The following MGAT4C variants were observed in gnomAD, a reference collection of about 807,000 sequenced individuals.
MGAT4C encodes alpha-1,3-mannosyl-glycoprotein 4-beta-N-acetylglucosaminyltransferase C.
MGAT4C carries 19 observed loss-of-function variants against 40.1 expected under a neutral mutation model. The observed-to-expected ratio is 0.47, with a 90% confidence interval of 0.33 to 0.70. The LOEUF (loss-of-function observed/expected upper bound fraction) is 0.70, where lower values mean the gene tolerates loss of function less well. Ranked by LOEUF, MGAT4C falls within the 30% of genes least tolerant of loss-of-function variation. MGAT4C has a pLI of 0.02. For missense variants in MGAT4C, 491 were observed against 563.2 expected (o/e 0.87, Z 1.30); for synonymous variants, 181 against 187.1 (o/e 0.97, Z 0.27).
At chr12:86,287,158 C>T (rs555570528) in intron 4 of MGAT4C, among the ~76,000 whole-genome samples, 1 of 152,102 alleles carries the variant, frequency 6.6e-6, no homozygotes, top group South Asian at 2.1e-4. Flanking sequence ...GAGAAATCAC[C>T]AACCTCTTTC....
At chr12:86,347,222 A>T (rs1955056003) in intron 3 of MGAT4C, among the ~76,000 whole-genome samples, 1 of 152,146 alleles carries the variant, frequency 6.6e-6, no homozygotes, top group Non-Finnish European at 1.5e-5. Flanking sequence ...ATCCCTCTAG[A>T]CAAACCTGAC....
At chr12:86,315,947 G>A (rs2136155552) in intron 4 of MGAT4C, among the ~76,000 whole-genome samples, 1 of 151,566 alleles carries the variant, frequency 6.6e-6, no homozygotes, top group South Asian at 2.1e-4. Context: ...TACAAACTAT[G>A]CATCCAACAA....
intron 1 of MGAT4C, among the ~76,000 whole-genome samples, chr12:86,773,725 G>T (rs982870643): frequency 7.9e-5 from 12 of 151,864 alleles, no homozygotes; most frequent in Admixed American, 7.9e-4. Flanking sequence ...ATGTATGTGT[G>T]TGTGCATGTG....
At chr12:86,436,801 G>C (rs1957146195) in intron 2 of MGAT4C, among the ~76,000 whole-genome samples, 1 of 151,636 alleles carries the variant, frequency 6.6e-6, no homozygotes, top group Admixed American at 6.6e-5. Context: ...TCGGAGCTGT[G>C]ATACATTGAG....
At chr12:86,789,703 C>A (rs567290391) in intron 1 of MGAT4C, among the ~76,000 whole-genome samples, 2 of 152,030 alleles carry the variant, frequency 1.3e-5, no homozygotes, top group African/African-American at 4.8e-5. Flanking sequence ...AGGATTTGCA[C>A]TATTTATAAC....
chr12:85,979,192 A>G lies in MGAT4C; in HGVS notation c.*97T>C. ...GCCAATGTAATTAATGTTTCTTTTA[A>G]CATATCCCATCCATTGCTTTCCCTC... On this transcript the variant is annotated 3_prime_UTR_variant, in exon 5 of 5. Transcript: ENST00000611864. 1 of 933,322 alleles carries G rather than the reference A, an allele frequency of 1.1e-6. No homozygotes were observed. Among genetic ancestry groups the G allele is most frequent in the Non-Finnish European group, 1.6e-6 (1 of 625,024 alleles). 57.8% of individuals were successfully genotyped at this position (933,322 alleles called of 1,614,324 possible).
chr12:86,444,233 C>G (rs1957292343), intron 2 of MGAT4C, among the ~76,000 whole-genome samples: 1 of 152,150 alleles, frequency 6.6e-6, no homozygotes, highest in Non-Finnish European at 1.5e-5. Context: ...TGATTCTCTT[C>G]TCGTCTTTAG....
intron 2 of MGAT4C, among the ~76,000 whole-genome samples, chr12:86,493,128 A>T (rs1235899820): frequency 8.0e-5 from 12 of 150,920 alleles, no homozygotes; most frequent in Non-Finnish European, 1.6e-4. Flanking sequence ...AATGGCGATC[A>T]TTAAAAAGTC....
rs193002927 is a variant in MGAT4C at position 86,563,397 on chromosome 12, T to C, written c.-228-128132A>G. 3.0e-3 allele frequency among the ~76,000 whole-genome samples: 451 copies of C among 152,260 alleles called. 2 individuals carry two copies. Among genetic ancestry groups the C allele is most frequent in the African/African-American group, 0.01 (430 of 41,552 alleles). ...ATCACAGTGTTCCTAGAAGTGAAAT[T>C]GATAAGAAGCCTACTGCATTCTTAC... On this transcript the variant is annotated intron_variant, in intron 2 of 7. Coordinates refer to the MGAT4C transcript ENST00000548651.
chr12:86,771,334 T>C (rs1027205227), intron 1 of MGAT4C, among the ~76,000 whole-genome samples: 4 of 152,166 alleles, frequency 2.6e-5, no homozygotes, highest in Admixed American at 2.6e-4. Flanking sequence ...GGTGCTACTA[T>C]AACACACATT....
intron 3 of MGAT4C, among the ~76,000 whole-genome samples, chr12:86,381,060 A>G (rs1955918695): frequency 2.0e-5 from 3 of 152,208 alleles, no homozygotes; most frequent in African/African-American, 7.2e-5. Flanking sequence ...TTTAACAGGT[A>G]CAACAGTTAT....
intron 1 of MGAT4C, among the ~76,000 whole-genome samples, chr12:86,126,953 T>C (rs1880374711): frequency 1.3e-5 from 2 of 152,168 alleles, no homozygotes; most frequent in Non-Finnish European, 2.9e-5. Context: ...TTATCAGGCA[T>C]TAAGTAGATT....
intron 1 of MGAT4C, among the ~76,000 whole-genome samples, chr12:86,748,913 A>C (rs1951194010): frequency 6.6e-6 from 1 of 151,268 alleles, no homozygotes; most frequent in Admixed American, 6.6e-5. Context: ...TTAATTTTAA[A>C]TTTAAGCTGA....
intron 2 of MGAT4C, among the ~76,000 whole-genome samples, chr12:86,466,547 G>A (rs986709241): frequency 2.0e-5 from 3 of 152,194 alleles, no homozygotes; most frequent in African/African-American, 7.2e-5. Context: ...GTGGGAGAGG[G>A]ATGAATAGGC....
At chr12:86,144,375 T>G (rs764957646) in intron 1 of MGAT4C, among the ~76,000 whole-genome samples, 4 of 152,152 alleles carry the variant, frequency 2.6e-5, no homozygotes, top group Non-Finnish European at 4.4e-5. Context: ...CATTGCTAGT[T>G]ATACCCTCGA....
At chr12:86,429,988 T>A (rs1957001749) in intron 3 of MGAT4C, among the ~76,000 whole-genome samples, 1 of 152,200 alleles carries the variant, frequency 6.6e-6, no homozygotes, top group Non-Finnish European at 1.5e-5. Flanking sequence ...CTGACAATAA[T>A]TTCAAATGTT....
In MGAT4C at chr12:86,308,834, T is replaced by G. The variant is rs1056825091; in HGVS notation, c.-57+25231A>C. Among the ~76,000 whole-genome samples, 4 of 150,676 alleles carry G rather than the reference T, an allele frequency of 2.7e-5. No homozygotes were observed. The South Asian group carries it at 8.3e-4, about 31-fold the overall frequency. On this transcript the variant is annotated intron_variant, in intron 4 of 7. Coordinates refer to the MGAT4C transcript ENST00000548651. ...TTTCACTTGATGTTTACAAAAATTT[T>G]TGATGTCAGATTGTGATCTCTGTTC...
chr12:86,414,357 T>A (rs560142935), intron 3 of MGAT4C, among the ~76,000 whole-genome samples: 6 of 152,254 alleles, frequency 3.9e-5, no homozygotes, highest in African/African-American at 1.4e-4. Context: ...TTTTGTTTTT[T>A]AATTATTCTC....
At chr12:86,480,043 C>A (rs1957906466) in intron 2 of MGAT4C, among the ~76,000 whole-genome samples, 1 of 151,592 alleles carries the variant, frequency 6.6e-6, no homozygotes, top group Non-Finnish European at 1.5e-5. Context: ...ATTAGGTAAG[C>A]ATATAGTTTT....
Sources: gnomAD v4.1 joint callset for allele counts (sites outside exome capture counted in the v4.1 genomes callset) on GRCh38, gnomAD v4.1.1 for gene constraint, MANE v1.5 for transcripts, NCBI Gene and HGNC (gene_info 2026-07-23, HGNC 2026-07-21) for gene names.